Variants in RPS6KB1 observed in about 807,000 individuals in gnomAD.
RPS6KB1 encodes the protein ribosomal protein S6 kinase beta-1.
A neutral mutation model predicts 70.2 loss-of-function variants in RPS6KB1; 12 were observed. The observed-to-expected ratio is 0.17, with a 90% CI of 0.11 to 0.28. The LOEUF (loss-of-function observed/expected upper bound fraction) is 0.28. Among genes scored for constraint, RPS6KB1 ranks in the 10% least tolerant of loss-of-function variants. RPS6KB1 has a pLI of 1.00. For missense variants in RPS6KB1, 270 were observed against 646.6 expected (o/e 0.42, Z 6.32); for synonymous variants, 175 against 211.2 (o/e 0.83, Z 1.49).
chr17:59,925,342 C>T (rs1414508596), intron 4 of RPS6KB1, among the ~76,000 whole-genome samples: 3 of 152,174 alleles, frequency 2.0e-5, no homozygotes, highest in Admixed American at 6.5e-5. Flanking sequence ...ATGTCTAAAA[C>T]AGGGCATCAT....
intron 1 of RPS6KB1, among the ~76,000 whole-genome samples, chr17:59,896,354 C>T (rs1259649845): frequency 2.0e-5 from 3 of 151,902 alleles, no homozygotes; most frequent in South Asian, 2.1e-4. Context: ...CCACCAGGCC[C>T]GGCTAATTTT....
chr17:59,920,177 C>G (rs1298282770), intron 4 of RPS6KB1, among the ~76,000 whole-genome samples: 1 of 152,014 alleles, frequency 6.6e-6, no homozygotes, highest in African/African-American at 2.4e-5. Flanking sequence ...GCCACCACAC[C>G]CAGCTAATTT....
chr17:59,908,613 A>ATTTTTTTTTTTTTTTTTTT (rs546677930), intron 1 of RPS6KB1, among the ~76,000 whole-genome samples: 2 of 106,164 alleles, frequency 1.9e-5, no homozygotes, highest in Non-Finnish European at 3.8e-5. Context: ...TGTAAAAAAA[A>ATTTTTTTTTTTTTTTTTTT]TTTTTTTTTT....
intron 4 of RPS6KB1, 113 bp downstream of exon 4, chr17:59,914,816 C>A: frequency 1.1e-6 from 1 of 878,694 alleles, no homozygotes; most frequent in African/African-American, 1.7e-5. Context: ...ACATTTTGGC[C>A]TAAAATTTGC....
chr17:59,901,936 T>C (rs2041976216), intron 1 of RPS6KB1, among the ~76,000 whole-genome samples: 1 of 150,744 alleles, frequency 6.6e-6, no homozygotes, highest in African/African-American at 2.4e-5. Context: ...GGAGGATCGC[T>C]TGAGTCTCCA....
At chr17:59,925,789 A>ATTTC (rs2043570517) in intron 4 of RPS6KB1, among the ~76,000 whole-genome samples, 1 of 151,430 alleles carries the variant, frequency 6.6e-6, no homozygotes, top group South Asian at 2.1e-4. Flanking sequence ...TACCTTCTAC[A>ATTTC]TTTCTTTCTT....
intron 6 of RPS6KB1, among the ~76,000 whole-genome samples, chr17:59,930,613 G>C (rs986619769): frequency 7.9e-5 from 12 of 151,900 alleles, no homozygotes; most frequent in African/African-American, 2.7e-4. Flanking sequence ...AGTCAGGGTG[G>C]GATTTACCCT....
chr17:59,938,257 C>G (rs1343198915), intron 12 of RPS6KB1, among the ~76,000 whole-genome samples: 1 of 148,444 alleles, frequency 6.7e-6, no homozygotes, highest in Non-Finnish European at 1.5e-5. Context: ...ATGGCAGCCT[C>G]AACCTCCCAG....
chr17:59,946,961 C>A lies in RPS6KB1; in HGVS notation c.*173C>A, dbSNP rs1379689825. 220 of 1,420,574 alleles carry A rather than the reference C, an allele frequency of 1.5e-4. No homozygotes were observed. The highest frequency in any genetic ancestry group is 1.9e-4 in the Non-Finnish European group (208 of 1,086,118). The allele number at this position is 1,420,574 out of a possible 1,614,324, so 88.0% of individuals were successfully genotyped here. The stretch of plus-strand genomic sequence containing the variant: ...GATTTTAAAAAATCAATCAATGGTG[C>A]AAAAAAAAACTTAAAGCAAAATAGT... On this transcript the variant is annotated 3_prime_UTR_variant, in exon 15 of 15. Transcript: ENST00000225577. This position sits in a 1 kb window ranked among gnomAD's most constrained non-coding sequence, Gnocchi z 4.2.
intron 1 of RPS6KB1, 99 bp from the exon 2 acceptor site, chr17:59,910,463 T>A (rs2042567899): frequency 8.3e-6 from 6 of 722,168 alleles, no homozygotes; most frequent in Non-Finnish European, 6.8e-6. Context: ...GTTAGGCTGG[T>A]TTATTTCATT....
chr17:59,924,372 T>G (rs990696321), intron 4 of RPS6KB1, among the ~76,000 whole-genome samples: 1 of 152,226 alleles, frequency 6.6e-6, no homozygotes, highest in Admixed American at 6.5e-5. Context: ...TCTCTTTCTC[T>G]TTCTGTGGTA....
At chr17:59,901,653 A>T (rs1045076079) in intron 1 of RPS6KB1, among the ~76,000 whole-genome samples, 3 of 151,252 alleles carry the variant, frequency 2.0e-5, no homozygotes, top group Admixed American at 1.3e-4. Context: ...AAAAGAAAAA[A>T]AAAGAAACAG....
chr17:59,934,661 C>T lies in RPS6KB1; in HGVS notation c.870+137C>T, dbSNP rs1309943865. 4.9e-6 allele frequency: 3 copies of T among 615,486 alleles called. No homozygotes were observed. In the African/African-American group the frequency reaches 5.5e-5, roughly 11 times the overall value. 38.1% of individuals were successfully genotyped at this position (615,486 alleles called of 1,614,324 possible). A position where few individuals can be genotyped will look rare whatever the true frequency, so the allele number is the denominator to read the frequency against. The stretch of plus-strand genomic sequence containing the variant: ...AAGATTTGTTATTAGCAGTTTAACA[C>T]TAATAATGCTGTATGATTATATGGG... On this transcript the variant is annotated intron_variant, in intron 9 of 14. Transcript: ENST00000225577. The surrounding 1 kb of genome is among the most constrained non-coding windows in gnomAD (Gnocchi z 4.8).
At chr17:59,923,798 G>A (rs767283265) in intron 4 of RPS6KB1, among the ~76,000 whole-genome samples, 3 of 152,070 alleles carry the variant, frequency 2.0e-5, no homozygotes, top group South Asian at 2.1e-4. Context: ...GTTAGCCACC[G>A]TGCCCGACCA....
Position 59,946,184 on chromosome 17 carries a change from C to T in RPS6KB1, c.1341-367C>T, listed in dbSNP as rs1257408210. ...GGAAGTGAAAGGGAAATCAGTGTTC[C>T]TGGAGTGTGTGGTGAGTGAGGAGAA... On this transcript the variant is annotated intron_variant, in intron 14 of 14. Transcript: ENST00000225577. The surrounding 1 kb of genome is among the most constrained non-coding windows in gnomAD (Gnocchi z 4.2). 6.6e-6 allele frequency among the ~76,000 whole-genome samples: 1 copy of T among 152,070 alleles called. No homozygotes were observed. The highest frequency in any genetic ancestry group is 1.5e-5 in the Non-Finnish European group (1 of 68,010).
At chr17:59,896,566 T>G (rs80316873) in intron 1 of RPS6KB1, among the ~76,000 whole-genome samples, 2,052 of 152,260 alleles carry the variant, frequency 0.013, 39 homozygotes, top group African/African-American at 0.046. Flanking sequence ...TTCTTGTGTT[T>G]CAAGAACAGT....
At position 59,926,846 on chromosome 17, in the gene RPS6KB1, C is replaced by G. The variant is rs16943954; in HGVS notation, c.529+264C>G. 2.6e-5 allele frequency among the ~76,000 whole-genome samples: 4 copies of G among 151,924 alleles called. No homozygotes were observed. The South Asian group carries it at 8.3e-4, about 32-fold the overall frequency. On this transcript the variant is annotated intron_variant, in intron 5 of 14. Transcript: ENST00000225577. ...ACTCACTTAACAGAAAAACGAATAC[C>G]TAAGTGATGCAGAGCCATCAAATTG...
chr17:59,906,709 T>G (rs1221559379), intron 1 of RPS6KB1, among the ~76,000 whole-genome samples: 2 of 152,080 alleles, frequency 1.3e-5, no homozygotes, highest in Non-Finnish European at 2.9e-5. Context: ...TGTTTGTTTG[T>G]TTTGAGATGG....
chr17:59,898,687 C>T (rs546997456), intron 1 of RPS6KB1, among the ~76,000 whole-genome samples: 5 of 151,670 alleles, frequency 3.3e-5, no homozygotes, highest in Non-Finnish European at 7.4e-5. Flanking sequence ...AAACTCTTGA[C>T]TTCAGGCGAT....
Sources: allele counts gnomAD v4.1 joint callset (sites outside exome capture counted in the v4.1 genomes callset), GRCh38; gene constraint gnomAD v4.1.1; non-coding constraint Gnocchi (gnomAD v3.1); transcripts MANE v1.5; gene names NCBI Gene and HGNC (gene_info 2026-07-23, HGNC 2026-07-21).